Variants in ZFP69 observed in about 807,000 individuals in gnomAD.
The protein encoded by ZFP69 is ZFP69 zinc finger protein.
Under a neutral mutation model 48.9 loss-of-function variants are expected in ZFP69, and 35 were observed. That is an observed-to-expected ratio of 0.72 (90% CI 0.55 to 0.95). The LOEUF is 0.95. ZFP69 is among the 40% of genes least tolerant of loss of function. The probability of loss-of-function intolerance (pLI) is 0.00; values close to 1 mark genes in which losing one functional copy is unlikely to be tolerated. For missense variants in ZFP69, 557 were observed against 638.4 expected (o/e 0.87, Z 1.37); for synonymous variants, 193 against 216.8 (o/e 0.89, Z 0.96).
At position 40,495,247 on chromosome 1, in the gene ZFP69, G is replaced by C; in HGVS notation, c.769G>C (p.Asp257His). 6.2e-7 allele frequency: 1 copy of C among 1,613,986 alleles called. No homozygotes were observed. Among genetic ancestry groups the C allele is most frequent in the South Asian group, 1.1e-5 (1 of 91,070 alleles). The change falls in exon 6 of 6, where the codon GAT becomes CAT. Residue 257 changes from aspartate (D) to histidine (H), a missense_variant. Coordinates refer to ENST00000372706, the MANE Select transcript of ZFP69 (RefSeq NM_001320179.2). ...TPTKRNTYKLDLINHPTSYIR... is the reference protein window; with the variant it reads ...TPTKRNTYKLHLINHPTSYIR... ...TACAAAGCGGAACACATACAAATTA[G>C]ATTTGATTAATCATCCAACAAGTTA...
At chr1:40,486,680 C>A (rs886424646) in intron 3 of ZFP69, among the ~76,000 whole-genome samples, 1 of 151,932 alleles carries the variant, frequency 6.6e-6, no homozygotes, top group African/African-American at 2.4e-5. Context: ...CCTTGGCCTT[C>A]CAAAGTGCTA....
At chr1:40,478,677 T>TAGA (rs1645413635) in intron 1 of ZFP69, among the ~76,000 whole-genome samples, 1 of 152,230 alleles carries the variant, frequency 6.6e-6, no homozygotes, top group African/African-American at 2.4e-5. Flanking sequence ...TAGCATTGTC[T>TAGA]CAACCAACAT....
Position 40,481,813 on chromosome 1 carries a change from G to A in ZFP69, c.178G>A (p.Glu60Lys). The part of the protein sequence containing the change: ...EDVKTQRESL[E>K]DEVTPGLPTA... Reference sequence around the variant, plus strand: ...CGTAAAGACCCAGAGAGAAAGTTTAGAGGATGAAGTGACCCCTGGACTCCC... The same window carrying A: ...CGTAAAGACCCAGAGAGAAAGTTTAAAGGATGAAGTGACCCCTGGACTCCC... The change falls in exon 3 of 6, where the codon GAG (glutamate) becomes AAG (lysine). Residue 60 changes from glutamate (E) to lysine (K), a missense_variant. Coordinates refer to ENST00000372706, the MANE Select transcript of ZFP69 (RefSeq NM_001320179.2). 6.2e-7 allele frequency: 1 copy of A among 1,613,588 alleles called. No homozygotes were observed. Among genetic ancestry groups the A allele is most frequent in the East Asian group, 2.2e-5 (1 of 44,880 alleles).
intron 5 of ZFP69, among the ~76,000 whole-genome samples, chr1:40,492,916 T>A (rs1645583361): frequency 6.6e-6 from 1 of 152,118 alleles, no homozygotes; most frequent in Non-Finnish European, 1.5e-5. Flanking sequence ...CGTGAACAGG[T>A]ATATTTTTAA....
In ZFP69 at chr1:40,479,329, C is replaced by T. The variant is rs371003397; in HGVS notation, c.-33C>T. 5 of 1,611,742 alleles carry T rather than the reference C, an allele frequency of 3.1e-6. No individual in the cohort carries two copies. The highest frequency in any genetic ancestry group is 4.2e-6 in the Non-Finnish European group (5 of 1,179,068). ...TCAAGAGCTTCTGGCAATTTCCTCACCAGAAGTGGACAAGTCCAGTAAGGC... is the reference window on the plus strand; with the variant it reads ...TCAAGAGCTTCTGGCAATTTCCTCATCAGAAGTGGACAAGTCCAGTAAGGC... On this transcript the variant is annotated 5_prime_UTR_variant, in exon 2 of 6. Coordinates refer to ENST00000372706, the MANE Select transcript of ZFP69 (RefSeq NM_001320179.2).
rs140932083 is a variant in ZFP69, at chr1:40,495,115, A to T, written c.637A>T (p.Ile213Phe). 22 of 1,614,012 alleles carry T rather than the reference A, an allele frequency of 1.4e-5. No homozygotes were observed. The African/African-American group carries it at 2.8e-4, about 21-fold the overall frequency. Residue 213 changes from isoleucine (I) to phenylalanine (F), a missense_variant, in exon 6 of 6, where the codon ATC (isoleucine) becomes TTC (phenylalanine). Ile to Phe is a conservative substitution (Grantham distance 21, BLOSUM62 0). Coordinates refer to ENST00000372706, the MANE Select transcript of ZFP69 (RefSeq NM_001320179.2). ...TTGTATGAGAGATGTGAGACAAGCC[A>T]TCTTGACCCATAAGAAGAGAGTCCA... ...ETCMRDVRQA[I>F]LTHKKRVQET...
intron 3 of ZFP69, 137 bp from the exon 4 acceptor site, chr1:40,488,947 CAGAG>C: frequency 1.4e-5 from 13 of 945,348 alleles, no homozygotes; most frequent in Non-Finnish European, 2.1e-5. Context: ...ATTTGGAGAT[CAGAG>C]GATCTCCAAA....
rs148895979 is a variant in ZFP69 at position 40,494,986 on chromosome 1, T to C, written c.508T>C (p.Tyr170His). 1.3e-5 allele frequency: 21 copies of C among 1,613,874 alleles called. No homozygotes were observed. The highest frequency in any genetic ancestry group is 1.8e-5 in the Non-Finnish European group (21 of 1,179,976). ...AKSTISQERL[Y>H]HGIMMESFMR... is the part of the protein sequence containing the mutation. ...GAGTACCATTTCACAGGAGCGCTTATATCATGGCATTATGATGGAAAGTTT... is the reference window on the plus strand; with the variant it reads ...GAGTACCATTTCACAGGAGCGCTTACATCATGGCATTATGATGGAAAGTTT... The change falls in exon 6 of 6, where the codon TAT becomes CAT. Residue 170 changes from tyrosine to histidine, a missense_variant. By Grantham distance (83) the Tyr-to-His change is moderately conservative (BLOSUM62 2). Coordinates refer to ENST00000372706, the MANE Select transcript of ZFP69 (RefSeq NM_001320179.2).
Position 40,481,799 on chromosome 1 carries a change from A to C in ZFP69, c.164A>C (p.Gln55Pro), listed in dbSNP as rs775057897. 4 of 1,612,954 alleles carry C rather than the reference A, an allele frequency of 2.5e-6. No homozygotes were observed. The East Asian group carries it at 8.9e-5, about 36-fold the overall frequency. ...LSQDAEDVKT[Q>P]RESLEDEVTP... ...CAGGATGCTGAGGACGTAAAGACCC[A>C]GAGAGAAAGTTTAGAGGATGAAGTG... Residue 55 changes from glutamine to proline, a missense_variant, in exon 3 of 6, where the codon CAG (glutamine) becomes CCG (proline). Gln to Pro is a moderately conservative substitution (Grantham distance 76, BLOSUM62 -1). Coordinates refer to ENST00000372706, the MANE Select transcript of ZFP69 (RefSeq NM_001320179.2).
rs182076882 is a variant in ZFP69, at chr1:40,484,615, C to T, written c.219+2761C>T. On this transcript the variant is annotated intron_variant, in intron 3 of 5. Transcript: ENST00000372706. ...TTTTTAATTGAGACAGAGTCTTGCTCTGTTGCCCAGGCTGGAGTGCAGTGG... is the reference window on the plus strand; with the variant it reads ...TTTTTAATTGAGACAGAGTCTTGCTTTGTTGCCCAGGCTGGAGTGCAGTGG... 2.1e-3 allele frequency among the ~76,000 whole-genome samples: 312 copies of T among 151,344 alleles called. 2 individuals are homozygous for T. The highest frequency in any genetic ancestry group is 7.4e-3 in the African/African-American group (304 of 41,158).
In ZFP69 at chr1:40,495,146, C is replaced by CT; in HGVS notation, c.669dup (p.Asn224Ter). 2 of 1,613,994 alleles carry CT rather than the reference C, an allele frequency of 1.2e-6. No individual in the cohort carries two copies. On this transcript the variant is annotated frameshift_variant, in exon 6 of 6. Coordinates refer to ENST00000372706, the MANE Select transcript of ZFP69 (RefSeq NM_001320179.2). LOFTEE classifies it high-confidence loss of function. ...ACCCATAAGAAGAGAGTCCAAGAAACTAACAAATTTGGGGAAAATATCATT... is the reference window on the plus strand; with the variant it reads ...ACCCATAAGAAGAGAGTCCAAGAAACTTAACAAATTTGGGGAAAATATCATT...
Position 40,496,145 on chromosome 1 carries a change from A to G in ZFP69, c.*86A>G. On this transcript the variant is annotated 3_prime_UTR_variant, in exon 6 of 6. Coordinates refer to ENST00000372706, the MANE Select transcript of ZFP69 (RefSeq NM_001320179.2). ...AAATTTCAGGACTCAGATATGAGGA[A>G]TTGATGTAATGATGCCAACTTTTAA... 1 of 1,377,412 alleles carries G rather than the reference A, an allele frequency of 7.3e-7. No homozygotes were observed. Among genetic ancestry groups the G allele is most frequent in the Non-Finnish European group, 9.8e-7 (1 of 1,021,808 alleles). 85.3% of individuals were successfully genotyped at this position (1,377,412 alleles called of 1,614,324 possible).
At chr1:40,479,856 C>T (rs1035528837) in intron 2 of ZFP69, among the ~76,000 whole-genome samples, 19 of 152,188 alleles carry the variant, frequency 1.2e-4, no homozygotes, top group African/African-American at 4.3e-4. Flanking sequence ...ATTTTAGCCC[C>T]AACCCAATAT....
At position 40,479,460 on chromosome 1, in the gene ZFP69, G is replaced by A; in HGVS notation, c.99G>A (p.Glu33=). The change falls in exon 2 of 6, where the codon GAG becomes GAA. Residue 33 remains glutamate, a synonymous_variant. Transcript: ENST00000372706. ...CCGTGGAGGGGGCGCCCCTGTGGGA[G>A]GATGTGACTAAAATGTTTGAAGGAG... ...KKAVEGAPLW[E]DVTKMFEGEA... The A allele has an allele frequency of 6.2e-7, 1 of 1,613,816 alleles. No individual in the cohort carries two copies. The highest frequency in any genetic ancestry group is 1.1e-5 in the South Asian group (1 of 91,058).
chr1:40,479,392 A>G lies in ZFP69; in HGVS notation c.31A>G (p.Thr11Ala), dbSNP rs777765342. Residue 11 changes from threonine to alanine, a missense_variant, in exon 2 of 6, where the codon ACC becomes GCC. Transcript: ENST00000372706. ...ACAGCAGCTCCTGATCACCCTGCCTACCGAGGCCAGCACCTGGGTGAAGCT... is the reference window on the plus strand; with the variant it reads ...ACAGCAGCTCCTGATCACCCTGCCTGCCGAGGCCAGCACCTGGGTGAAGCT... MPQQLLITLP[T>A]EASTWVKLQH... The G allele has an allele frequency of 1.2e-6, 2 of 1,614,046 alleles. No individual in the cohort carries two copies. Among genetic ancestry groups the G allele is most frequent in the South Asian group, 2.2e-5 (2 of 91,082 alleles).
At chr1:40,478,800 C>T (rs944753475) in intron 1 of ZFP69, among the ~76,000 whole-genome samples, 1 of 152,096 alleles carries the variant, frequency 6.6e-6, no homozygotes, top group Non-Finnish European at 1.5e-5. Context: ...CTAAGCCAGG[C>T]TGTCTGATTT....
chr1:40,478,475 G>T (rs993048839), intron 1 of ZFP69, among the ~76,000 whole-genome samples: 3 of 152,168 alleles, frequency 2.0e-5, no homozygotes, highest in African/African-American at 7.2e-5. Flanking sequence ...GGGCATCTGC[G>T]TGGGTGGTGA....
In ZFP69 at chr1:40,479,208, A is replaced by AG. The variant is rs1401972276; in HGVS notation, c.-152dup. 8 of 906,912 alleles carry AG rather than the reference A, an allele frequency of 8.8e-6. No homozygotes were observed. In the Admixed American group the frequency reaches 8.9e-5, roughly 10 times the overall value. 56.2% of individuals were successfully genotyped at this position (906,912 alleles called of 1,614,324 possible). A position where few individuals can be genotyped will look rare whatever the true frequency, so the allele number is the denominator to read the frequency against. ...AATTGTTAAAGTCACATCAGTCTCT[A>AG]GGAACCCCCAGGTCCTGGTGCTGCA... On this transcript the variant is annotated 5_prime_UTR_variant, in exon 2 of 6. Transcript: ENST00000372706.
chr1:40,495,032 A>T lies in ZFP69; in HGVS notation c.554A>T (p.Tyr185Phe). 6.2e-7 allele frequency: 1 copy of T among 1,614,114 alleles called. No individual in the cohort carries two copies. Among genetic ancestry groups the T allele is most frequent in the South Asian group, 1.1e-5 (1 of 91,084 alleles). The change falls in exon 6 of 6, where the codon TAT (tyrosine) becomes TTT (phenylalanine). Residue 185 changes from tyrosine to phenylalanine, a missense_variant. Transcript: ENST00000372706. ...MESFMRDDII[Y>F]STLRKVSTYD... ...AGTTTCATGAGGGATGATATAATTT[A>T]TTCCACGTTGAGAAAAGTCTCCACA...
Sources: gnomAD v4.1 joint callset for allele counts (sites outside exome capture counted in the v4.1 genomes callset) on GRCh38, gnomAD v4.1.1 for gene constraint, MANE v1.5 for transcripts, NCBI Gene and HGNC (gene_info 2026-07-23, HGNC 2026-07-21) for gene names.